LINGO1: variants seen among roughly 807,000 people sequenced by gnomAD.
The protein encoded by LINGO1 is leucine-rich repeat and immunoglobulin-like domain-containing nogo receptor-interacting protein 1.
LINGO1 carries 11 observed loss-of-function variants against 37.3 expected under a neutral mutation model. The ratio of observed to expected loss-of-function variants is 0.29; its 90% CI spans 0.19 to 0.49. The LOEUF is 0.49. LINGO1 is among the 20% of genes least tolerant of loss of function. The pLI is 0.99. For synonymous variants in LINGO1, 387 were observed against 403.0 expected, an observed-to-expected ratio of 0.96 and a Z score of 0.48; for missense variants, 585 against 878.2, an observed-to-expected ratio of 0.67 and a Z score of 4.22.
chr15:77,616,575 G>C (rs565660792), intron 1 of LINGO1, among the ~76,000 whole-genome samples: 5 of 152,250 alleles, frequency 3.3e-5, no homozygotes, highest in African/African-American at 9.6e-5. Context: ...TGGATTGCTG[G>C]GGGACACCCT....
chr15:77,735,931 C>T (rs745668276), intron 1 of LINGO1, among the ~76,000 whole-genome samples: 6 of 152,170 alleles, frequency 3.9e-5, no homozygotes, highest in South Asian at 2.1e-4. Flanking sequence ...AACACTAAGG[C>T]GATCTGACAG....
chr15:77,680,391 G>T (rs1358792678), intron 2 of LINGO1, among the ~76,000 whole-genome samples: 2 of 152,200 alleles, frequency 1.3e-5, no homozygotes, highest in Non-Finnish European at 2.9e-5. Context: ...CTGCCCCTTT[G>T]GGGGCAGGTC....
intron 3 of LINGO1, among the ~76,000 whole-genome samples, chr15:77,665,285 C>T (rs968256267): frequency 6.6e-6 from 1 of 152,202 alleles, no homozygotes; most frequent in Non-Finnish European, 1.5e-5. Flanking sequence ...TCCAGCCAGG[C>T]CTTTCCTGCC....
At chr15:77,647,815 C>T in intron 3 of LINGO1, 2 of 455,826 alleles carry the variant, frequency 4.4e-6, no homozygotes, top group Non-Finnish European at 8.8e-6. Context: ...TCATTGTTCC[C>T]TTTATTTTCT....
chr15:77,731,583 G>A (rs763969340), intron 2 of LINGO1, among the ~76,000 whole-genome samples: 1 of 152,128 alleles, frequency 6.6e-6, no homozygotes, highest in South Asian at 2.1e-4. Context: ...GAGAACCAAC[G>A]ATGTTCCATG....
rs576623775 is a variant in LINGO1, at chr15:77,705,048, G to A, written c.-194-14147C>T. Among the ~76,000 whole-genome samples the A allele has an allele frequency of 2.2e-4, 34 of 152,060 alleles. No individual in the cohort carries two copies. In the South Asian group the frequency reaches 5.4e-3, roughly 24 times the overall value. On this transcript the variant is annotated intron_variant, in intron 2 of 3. Coordinates refer to the LINGO1 transcript ENST00000561686. ...GGGTTAATCTTCTGTCATATAAGCC[G>A]GCTCATCCCTGGCAGGGGCACGGGG...
At chr15:77,721,371 G>A (rs539019189) in intron 2 of LINGO1, among the ~76,000 whole-genome samples, 3 of 151,870 alleles carry the variant, frequency 2.0e-5, no homozygotes, top group South Asian at 2.1e-4. Context: ...CCACCCTCTC[G>A]GCTCACACAT....
intron 2 of LINGO1, among the ~76,000 whole-genome samples, chr15:77,721,441 G>A (rs1031488596): frequency 1.3e-5 from 2 of 151,992 alleles, no homozygotes; most frequent in African/African-American, 4.8e-5. Flanking sequence ...CTGCCTCCCC[G>A]ACCTGGTGGG....
At chr15:77,644,914 C>T (rs550590785) in intron 3 of LINGO1, among the ~76,000 whole-genome samples, 35 of 152,186 alleles carry the variant, frequency 2.3e-4, no homozygotes, top group African/African-American at 8.2e-4. Flanking sequence ...GCCAGCAGCC[C>T]GAGAGGCGGA....
chr15:77,658,975 A>C (rs2074928304), intron 3 of LINGO1, among the ~76,000 whole-genome samples: 1 of 152,200 alleles, frequency 6.6e-6, no homozygotes, highest in Admixed American at 6.5e-5. Context: ...ATTGAGTCAA[A>C]CTAGGGAGCA....
chr15:77,624,403 C>T (rs71407218), intron 1 of LINGO1, among the ~76,000 whole-genome samples: 4,207 of 152,232 alleles, frequency 0.028, 84 homozygotes, highest in Non-Finnish European at 0.041. Context: ...TGTCTGCCTG[C>T]TTGTCCTGGG....
intron 1 of LINGO1, chr15:77,784,844 C>T (rs1439892135): frequency 6.6e-6 from 1 of 152,104 alleles, no homozygotes; most frequent in Non-Finnish European, 1.5e-5. Context: ...CTGCAGACCC[C>T]AGCGCTGTGT....
chr15:77,755,667 GA>G lies in LINGO1; in HGVS notation c.-256-20615del, dbSNP rs2076412053. Among the ~76,000 whole-genome samples the G allele has an allele frequency of 3.3e-5, 5 of 152,202 alleles. No homozygotes were observed. The South Asian group carries it at 1.0e-3, about 32-fold the overall frequency. On this transcript the variant is annotated intron_variant, in intron 1 of 3. Coordinates refer to the LINGO1 transcript ENST00000561686. ...GTTAACACCTTCCCAAGGTCACAAG[GA>G]AAACTCCATAACCGGACCCCCACCT...
intron 1 of LINGO1, among the ~76,000 whole-genome samples, chr15:77,804,204 C>T (rs1405258506): frequency 2.0e-5 from 3 of 152,170 alleles, no homozygotes; most frequent in Non-Finnish European, 4.4e-5. Flanking sequence ...TAACACAGGG[C>T]CATGGCTTTC....
At chr15:77,803,512 T>C (rs2076935823) in intron 1 of LINGO1, among the ~76,000 whole-genome samples, 1 of 151,220 alleles carries the variant, frequency 6.6e-6, no homozygotes, top group South Asian at 2.1e-4. Flanking sequence ...AATGAATGGG[T>C]TCTCACAGTG....
chr15:77,739,960 T>C (rs2076243895), intron 1 of LINGO1, among the ~76,000 whole-genome samples: 1 of 152,250 alleles, frequency 6.6e-6, no homozygotes, highest in South Asian at 2.1e-4. Flanking sequence ...AGCCAGTGTT[T>C]ATGGAGCACC....
At chr15:77,813,626 C>T (rs1019704090) in intron 1 of LINGO1, among the ~76,000 whole-genome samples, 12 of 152,076 alleles carry the variant, frequency 7.9e-5, no homozygotes, top group Admixed American at 2.6e-4. Context: ...AGGAGGCGCC[C>T]AAACAGTGAT....
At chr15:77,806,071 C>T (rs886610082) in intron 1 of LINGO1, among the ~76,000 whole-genome samples, 1 of 152,168 alleles carries the variant, frequency 6.6e-6, no homozygotes, top group Admixed American at 6.5e-5. Context: ...GAGTCCATCC[C>T]GGAGAAATCA....
intron 3 of LINGO1, chr15:77,652,419 C>T (rs1363181791): frequency 6.6e-6 from 1 of 151,684 alleles, no homozygotes; most frequent in African/African-American, 2.4e-5. Context: ...TTATGACTGA[C>T]AGCTCTTCCG....
Sources: gnomAD v4.1 joint callset for allele counts (sites outside exome capture counted in the v4.1 genomes callset) on GRCh38, gnomAD v4.1.1 for gene constraint, MANE v1.5 for transcripts, NCBI Gene and HGNC (gene_info 2026-07-23, HGNC 2026-07-21) for gene names.